Variants in LOXL3 observed in about 807,000 individuals in gnomAD.
LOXL3 encodes lysyl oxidase homolog 3.
A neutral mutation model predicts 91.8 loss-of-function variants in LOXL3; 60 were observed. That is an observed-to-expected ratio of 0.65 (90% confidence interval 0.53 to 0.81). The LOEUF is 0.81. Ranked by LOEUF, LOXL3 falls within the 30% of genes least tolerant of loss-of-function variation. LOXL3 has a pLI of 0.00. For synonymous variants in LOXL3, 355 were observed against 387.6 expected (o/e 0.92, Z 0.99); for missense variants, 874 against 1,000.4 (o/e 0.87, Z 1.70).
upstream of LOXL3, chr2:74,555,142 C>G (rs1163899987): frequency 1.2e-6 from 2 of 1,604,538 alleles, no homozygotes; most frequent in African/African-American, 1.3e-5. This position sits in a 1 kb window ranked among gnomAD's most constrained non-coding sequence, Gnocchi z 6.1. Context: ...AGCACTCTCT[C>G]TCTCTCCCTA....
Position 74,532,661 on chromosome 2 carries a change from T to C in LOXL3, c.*945A>G, listed in dbSNP as rs149488361. On this transcript the variant is annotated 3_prime_UTR_variant, in exon 14 of 14. Coordinates refer to ENST00000264094, the MANE Select transcript of LOXL3 (RefSeq NM_032603.5). ...AGCTTCGAGAACCAAGCTTTCCCGA[T>C]GTTCAGCATGGTGTACTCATCCATA... The C allele has an allele frequency of 3.7e-6, 6 of 1,613,722 alleles. No homozygotes were observed. Among genetic ancestry groups the C allele is most frequent in the East Asian group, 2.2e-5 (1 of 44,890 alleles).
Position 74,535,886 on chromosome 2 carries a change from A to G in LOXL3, c.1248+110T>C. ...AAGTGATGGGTCAGGTGGGAGCTGC[A>G]GGAGGGCAGGGGCCTGGGGCAATGG... On this transcript the variant is annotated intron_variant, in intron 7 of 13. Coordinates refer to ENST00000264094, the MANE Select transcript of LOXL3 (RefSeq NM_032603.5). The surrounding 1 kb of genome is among the most constrained non-coding windows in gnomAD (Gnocchi z 4.2). The G allele has an allele frequency of 6.8e-7, 1 of 1,476,056 alleles. No individual in the cohort carries two copies. Among genetic ancestry groups the G allele is most frequent in the South Asian group, 1.3e-5 (1 of 74,444 alleles). 91.4% of individuals were successfully genotyped at this position (1,476,056 alleles called of 1,614,324 possible). A position where few individuals can be genotyped will look rare whatever the true frequency, so the allele number is the denominator to read the frequency against.
rs758841619 is a variant in LOXL3, at chr2:74,552,291, A to G, written c.313+31T>C. On this transcript the variant is annotated intron_variant, in intron 2 of 13. Transcript: ENST00000264094. Reference sequence around the variant, plus strand: ...CCTGCACTTTGGCCACACATAGGAAATATCTAGGATATGCCTGGATCATTG... The same window carrying G: ...CCTGCACTTTGGCCACACATAGGAAGTATCTAGGATATGCCTGGATCATTG... 1.9e-5 allele frequency: 30 copies of G among 1,571,108 alleles called. No individual in the cohort carries two copies. The Admixed American group carries it at 5.0e-4, about 26-fold the overall frequency.
chr2:74,545,203 T>G (rs754195791), intron 4 of LOXL3, among the ~76,000 whole-genome samples: 12 of 152,192 alleles, frequency 7.9e-5, no homozygotes, highest in Non-Finnish European at 1.2e-4. Context: ...TCTCTCATTC[T>G]CTATGTTCTA....
At chr2:74,541,946 A>C (rs1676347567) in intron 4 of LOXL3, among the ~76,000 whole-genome samples, 1 of 152,146 alleles carries the variant, frequency 6.6e-6, no homozygotes, top group Admixed American at 6.6e-5. Flanking sequence ...CTTCATTCAC[A>C]GATGTGTTTG....
chr2:74,535,915 G>A lies in LOXL3; in HGVS notation c.1248+81C>T. On this transcript the variant is annotated intron_variant, in intron 7 of 13. Coordinates refer to ENST00000264094, the MANE Select transcript of LOXL3 (RefSeq NM_032603.5). This position sits in a 1 kb window ranked among gnomAD's most constrained non-coding sequence, Gnocchi z 4.2. ...GGGCAGGGGCCTGGGGCAATGGGCT[G>A]GGGGCCATTGGACTGTAGATTGGAG... 6.7e-7 allele frequency: 1 copy of A among 1,492,144 alleles called. No homozygotes were observed. Among genetic ancestry groups the A allele is most frequent in the Admixed American group, 2.2e-5 (1 of 44,462 alleles). 92.4% of individuals were successfully genotyped at this position (1,492,144 alleles called of 1,614,324 possible). A position where few individuals can be genotyped will look rare whatever the true frequency, so the allele number is the denominator to read the frequency against.
At chr2:74,550,377 A>G in intron 2 of LOXL3, 29 bp from the exon 3 acceptor site, 8 of 1,605,238 alleles carry the variant, frequency 5.0e-6, no homozygotes, top group Non-Finnish European at 6.8e-6. Flanking sequence ...AGGGACAGAG[A>G]AGCTTGGGGA....
In LOXL3 at chr2:74,536,898, A is replaced by G; in HGVS notation, c.723T>C (p.Phe241=). The change falls in exon 5 of 14, where the codon TTT becomes TTC. Residue 241 remains phenylalanine (F), a synonymous_variant. Coordinates refer to ENST00000264094, the MANE Select transcript of LOXL3 (RefSeq NM_032603.5). This position sits in a 1 kb window ranked among gnomAD's most constrained non-coding sequence, Gnocchi z 4.5. ...RLLAQRQQHS[F]GLHGVACVGT... is the part of the protein sequence containing the mutation. Reference sequence around the variant, plus strand: ...CCACGCACGCCACCCCATGCAGACCAAAGGAGTGTTGCTGCCGTTGGGCTA... The same window carrying G: ...CCACGCACGCCACCCCATGCAGACCGAAGGAGTGTTGCTGCCGTTGGGCTA... The G allele has an allele frequency of 6.2e-7, 1 of 1,614,172 alleles. No homozygotes were observed. The highest frequency in any genetic ancestry group is 8.5e-7 in the Non-Finnish European group (1 of 1,180,030).
chr2:74,532,489 T>C lies in LOXL3; in HGVS notation c.*1117A>G. The C allele has an allele frequency of 1.4e-6, 1 of 731,938 alleles. No homozygotes were observed. The highest frequency in any genetic ancestry group is 2.4e-6 in the Non-Finnish European group (1 of 410,422). The allele number at this position is 731,938 out of a possible 1,614,324, so 45.3% of individuals were successfully genotyped here. ...CTAGAAGACAGAAAGTGAGTTGCCA[T>C]TGTATTTTGTAGTACCTAGCCCATG... On this transcript the variant is annotated 3_prime_UTR_variant, in exon 14 of 14. Coordinates refer to ENST00000264094, the MANE Select transcript of LOXL3 (RefSeq NM_032603.5).
rs769775080 is a variant in LOXL3, at chr2:74,534,821, CAG to C, written c.1580-49_1580-48del. On this transcript the variant is annotated intron_variant, in intron 9 of 13. Coordinates refer to ENST00000264094, the MANE Select transcript of LOXL3 (RefSeq NM_032603.5). Reference sequence around the variant, plus strand: ...GTGTTAGAAGTCACTGCTGACTTCACAGAGAGGGGTGCTTCCATCCCTCCCTA... The same window carrying C: ...GTGTTAGAAGTCACTGCTGACTTCACAGAGGGGTGCTTCCATCCCTCCCTA... 2.9e-5 allele frequency: 46 copies of C among 1,587,664 alleles called. No homozygotes were observed. The East Asian group carries it at 5.0e-4, about 17-fold the overall frequency.
chr2:74,535,573 T>A lies in LOXL3; in HGVS notation c.1416+15A>T. On this transcript the variant is annotated intron_variant, in intron 8 of 13. Coordinates refer to ENST00000264094, the MANE Select transcript of LOXL3 (RefSeq NM_032603.5). This position sits in a 1 kb window ranked among gnomAD's most constrained non-coding sequence, Gnocchi z 4.2. ...TTGAGACAACAGCCTCGGCTCCCCT[T>A]TCCTTCCCACTCACCTGCAGGCCGT... is the stretch of plus-strand genomic sequence containing the variant. The A allele has an allele frequency of 6.2e-7, 1 of 1,613,588 alleles. No homozygotes were observed. Among genetic ancestry groups the A allele is most frequent in the Non-Finnish European group, 8.5e-7 (1 of 1,179,980 alleles).
intron 2 of LOXL3, among the ~76,000 whole-genome samples, chr2:74,551,213 C>T (rs573015908): frequency 2.0e-5 from 3 of 152,348 alleles, no homozygotes; most frequent in South Asian, 2.1e-4. Flanking sequence ...GGATTATAGG[C>T]GTGAGCCACT....
At position 74,533,666 on chromosome 2, in the gene LOXL3, A is replaced by G. The variant is rs757471714; in HGVS notation, c.2202T>C (p.Ser734=). The stretch of plus-strand genomic sequence containing the variant: ...GTTCAAACCTCCTGTTGGCCTCTTC[A>G]CTGAAGGCATCACCTGCAGAGTGGA... ...VHNCHIGDAF[S]EEANRRFERY... The change falls in exon 14 of 14, where the codon AGT becomes AGC. Residue 734 remains serine, a synonymous_variant. Coordinates refer to ENST00000264094, the MANE Select transcript of LOXL3 (RefSeq NM_032603.5). 5 of 1,613,992 alleles carry G rather than the reference A, an allele frequency of 3.1e-6. No homozygotes were observed. The highest frequency in any genetic ancestry group is 4.2e-6 in the Non-Finnish European group (5 of 1,179,986).
rs375023324 is a variant in LOXL3 at position 74,545,446 on chromosome 2, A to G, written c.692+3923T>C. Among the ~76,000 whole-genome samples the G allele has an allele frequency of 4.1e-4, 62 of 152,364 alleles. 1 individual carries two copies. Among genetic ancestry groups the G allele is most frequent in the African/African-American group, 1.4e-3 (59 of 41,584 alleles). On this transcript the variant is annotated intron_variant, in intron 4 of 13. Transcript: ENST00000264094. ...CCAAACTCTCCAATTTGGCACCTAA[A>G]GCATTCCATTTTCTGGCCTCCCTTT...
chr2:74,532,556 G>A lies in LOXL3; in HGVS notation c.*1050C>T. 1 of 1,275,836 alleles carries A rather than the reference G, an allele frequency of 7.8e-7. No homozygotes were observed. The highest frequency in any genetic ancestry group is 1.1e-6 in the Non-Finnish European group (1 of 879,672). 79.0% of individuals were successfully genotyped at this position (1,275,836 alleles called of 1,614,324 possible). On this transcript the variant is annotated 3_prime_UTR_variant, in exon 14 of 14. Transcript: ENST00000264094. ...ATCAATGTGTTGATGAGAGACTTGAGGTGGAACTCAGGATGGGGAGAATGC... is the reference window on the plus strand; with the variant it reads ...ATCAATGTGTTGATGAGAGACTTGAAGTGGAACTCAGGATGGGGAGAATGC...
intron 1 of LOXL3, 124 bp from the exon 2 acceptor site, chr2:74,552,770 A>G: frequency 2.4e-6 from 2 of 844,998 alleles, no homozygotes; most frequent in South Asian, 3.7e-5. Context: ...AGCGAGAGAC[A>G]ACAGGAGAGA....
chr2:74,534,632 G>T lies in LOXL3; in HGVS notation c.1722C>A (p.His574Gln). Reference sequence around the variant, plus strand: ...GGGAGGAGAATCGGAGCAGACGCCGGTGACCATAGGGCCAGTTGGCTGAGC... The same window carrying T: ...GGGAGGAGAATCGGAGCAGACGCCGTTGACCATAGGGCCAGTTGGCTGAGC... ...SARSANWPYG[H>Q]RRLLRFSSQI... is the part of the protein sequence containing the mutation. The change falls in exon 10 of 14, where the codon CAC (histidine) becomes CAA (glutamine). Residue 574 changes from histidine to glutamine, a missense_variant. Transcript: ENST00000264094. The T allele has an allele frequency of 6.2e-7, 1 of 1,614,242 alleles. No homozygotes were observed. Among genetic ancestry groups the T allele is most frequent in the Non-Finnish European group, 8.5e-7 (1 of 1,180,050 alleles).
At position 74,550,829 on chromosome 2, in the gene LOXL3, G is replaced by C. The variant is rs907630235; in HGVS notation, c.314-481C>G. ...GCTTAGGAGTTTGATCTATCTGTGA[G>C]GCTTGGATGTCTAAGATCCTTTCTT... On this transcript the variant is annotated intron_variant, in intron 2 of 13. Transcript: ENST00000264094. Among the ~76,000 whole-genome samples, 6 of 152,160 alleles carry C rather than the reference G, an allele frequency of 3.9e-5. No homozygotes were observed. In the South Asian group the frequency reaches 1.0e-3, roughly 26 times the overall value.
At chr2:74,555,481 G>T, upstream of LOXL3, 1 of 1,608,560 alleles carries the variant, frequency 6.2e-7, no homozygotes, top group Non-Finnish European at 8.5e-7. The surrounding 1 kb of genome is among the most constrained non-coding windows in gnomAD (Gnocchi z 6.1). Flanking sequence ...TGCGGGGTGG[G>T]GGCAGTTACA....
Sources: allele counts gnomAD v4.1 joint callset (sites outside exome capture counted in the v4.1 genomes callset), GRCh38; gene constraint gnomAD v4.1.1; non-coding constraint Gnocchi (gnomAD v3.1); transcripts MANE v1.5; gene names NCBI Gene and HGNC (gene_info 2026-07-23, HGNC 2026-07-21).